Variants in BAZ2B observed in about 807,000 individuals in gnomAD.
BAZ2B encodes bromodomain adjacent to zinc finger domain 2B.
BAZ2B carries 91 observed loss-of-function variants against 246.0 expected under a neutral mutation model. The observed-to-expected ratio is 0.37, with a 90% CI of 0.31 to 0.44. The LOEUF (loss-of-function observed/expected upper bound fraction) is 0.44, where lower values mean the gene tolerates loss of function less well. BAZ2B is among the 20% of genes least tolerant of loss of function. The probability of loss-of-function intolerance (pLI) is 1.00; values close to 1 mark genes in which losing one functional copy is unlikely to be tolerated. For missense variants in BAZ2B, 2,332 were observed against 2,533.7 expected, an observed-to-expected ratio of 0.92 and a Z score of 1.71; for synonymous variants, 855 against 860.0, an observed-to-expected ratio of 0.99 and a Z score of 0.10.
intron 2 of BAZ2B, among the ~76,000 whole-genome samples, chr2:159,500,900 G>A (rs1171031537): frequency 1.3e-5 from 2 of 150,696 alleles, no homozygotes; most frequent in Non-Finnish European, 2.9e-5. Context: ...GTTGCAGTGA[G>A]CTGAGATTGC....
chr2:159,685,093 A>G, the BAZ2B span, among the ~76,000 whole-genome samples: 1 of 152,152 alleles, frequency 6.6e-6, no homozygotes, highest in African/African-American at 2.4e-5. Flanking sequence ...CTGCTTACTG[A>G]TTAGTTTTAT....
chr2:159,668,368 A>G, the BAZ2B span, among the ~76,000 whole-genome samples: 1 of 152,182 alleles, frequency 6.6e-6, no homozygotes, highest in African/African-American at 2.4e-5. Flanking sequence ...AAATGGTGAA[A>G]GAGGTCATTC....
At chr2:159,655,471 T>C in the BAZ2B span, among the ~76,000 whole-genome samples, 1 of 152,222 alleles carries the variant, frequency 6.6e-6, no homozygotes, top group African/African-American at 2.4e-5. Flanking sequence ...TGTCAGCACT[T>C]TCACGATAAT....
intron 1 of BAZ2B, among the ~76,000 whole-genome samples, chr2:159,557,970 A>G (rs1466993221): frequency 6.6e-6 from 1 of 151,972 alleles, no homozygotes; most frequent in African/African-American, 2.4e-5. Context: ...TAGTGAATTA[A>G]AGGTGTATGA....
At chr2:159,674,106 G>A in the BAZ2B span, among the ~76,000 whole-genome samples, 1 of 152,126 alleles carries the variant, frequency 6.6e-6, no homozygotes, top group Non-Finnish European at 1.5e-5. Context: ...CACTTTGCAA[G>A]GCTGAGGTGG....
chr2:159,443,514 A>C (rs2073794936), intron 6 of BAZ2B, among the ~76,000 whole-genome samples: 2 of 151,432 alleles, frequency 1.3e-5, no homozygotes, highest in African/African-American at 4.9e-5. Context: ...TTGAAAACTG[A>C]AGAAATACTG....
chr2:159,519,236 T>TTTTTTTTTTTTTTTTA (rs1553692833), intron 2 of BAZ2B, among the ~76,000 whole-genome samples: 8 of 70,612 alleles, frequency 1.1e-4, no homozygotes, highest in South Asian at 5.2e-4. Flanking sequence ...TTTTTTTTTT[T>TTTTTTTTTTTTTTTTA]TTTTGAGACG....
intron 2 of BAZ2B, among the ~76,000 whole-genome samples, chr2:159,481,431 T>A (rs917691110): frequency 6.6e-6 from 1 of 150,540 alleles, no homozygotes; most frequent in African/African-American, 2.4e-5. Flanking sequence ...AAAAAATATA[T>A]ATATAAATAA....
Position 159,417,451 on chromosome 2 carries a change from G to A in BAZ2B, c.2467-4906C>T, listed in dbSNP as rs548013119. ...CTCCCAAAGTGTTTGGATTACATGCGTGCGCCACCAAGCCTGGACAAGATT... is the reference window on the plus strand; with the variant it reads ...CTCCCAAAGTGTTTGGATTACATGCATGCGCCACCAAGCCTGGACAAGATT... On this transcript the variant is annotated intron_variant, in intron 13 of 36. Coordinates refer to ENST00000392783, the MANE Select transcript of BAZ2B (RefSeq NM_013450.4). Among the ~76,000 whole-genome samples, 3 of 152,190 alleles carry A rather than the reference G, an allele frequency of 2.0e-5. No homozygotes were observed. In the East Asian group the frequency reaches 5.8e-4, roughly 29 times the overall value.
intron 2 of BAZ2B, among the ~76,000 whole-genome samples, chr2:159,488,886 C>G (rs1002640280): frequency 2.1e-4 from 32 of 152,116 alleles, no homozygotes; most frequent in African/African-American, 7.7e-4. Flanking sequence ...TAGTCACAAA[C>G]TCTGGAGCTT....
At chr2:159,354,766 C>G (rs2058921500) in intron 27 of BAZ2B, among the ~76,000 whole-genome samples, 1 of 152,090 alleles carries the variant, frequency 6.6e-6, no homozygotes, top group Non-Finnish European at 1.5e-5. Flanking sequence ...TCTTTCTAGT[C>G]CTTACTTCTT....
At chr2:159,393,375 A>T (rs1288052557) in intron 20 of BAZ2B, among the ~76,000 whole-genome samples, 5 of 152,226 alleles carry the variant, frequency 3.3e-5, no homozygotes, top group African/African-American at 1.2e-4. Context: ...TTCAGCTATT[A>T]GGATTTAAGT....
chr2:159,320,319 G>A lies in BAZ2B; in HGVS notation c.6453C>T (p.His2151=). The A allele has an allele frequency of 6.4e-7, 1 of 1,572,234 alleles. No individual in the cohort carries two copies. Among genetic ancestry groups the A allele is most frequent in the Non-Finnish European group, 8.6e-7 (1 of 1,169,206 alleles). ...TTTTTTCAAAATACTTCCTCATATT[G>A]TGGCCAGCTCTGCCTATATCAGAAT... The part of the protein sequence containing the change: ...EDDSDIGRAG[H]NMRKYFEKKW... The change falls in exon 37 of 37, where the codon CAC becomes CAT. Residue 2151 remains histidine, a synonymous_variant. Transcript: ENST00000392783.
intron 2 of BAZ2B, among the ~76,000 whole-genome samples, chr2:159,505,810 A>G (rs968812937): frequency 1.3e-5 from 2 of 152,254 alleles, no homozygotes; most frequent in East Asian, 3.8e-4. Flanking sequence ...TACAAGTAAC[A>G]GCAGGTATGT....
At chr2:159,544,455 G>A (rs995539364) in intron 2 of BAZ2B, among the ~76,000 whole-genome samples, 1 of 152,192 alleles carries the variant, frequency 6.6e-6, no homozygotes. Context: ...GAGCGGCTAA[G>A]TAGATGTTGA....
chr2:159,330,936 T>A (rs2064640130), intron 34 of BAZ2B, among the ~76,000 whole-genome samples: 1 of 151,766 alleles, frequency 6.6e-6, no homozygotes, highest in Admixed American at 6.6e-5. Flanking sequence ...TTTCTGTAAA[T>A]GGAAGGAAAA....
chr2:159,370,727 A>G (rs1434684275), intron 27 of BAZ2B, among the ~76,000 whole-genome samples: 1 of 151,968 alleles, frequency 6.6e-6, no homozygotes, highest in Non-Finnish European at 1.5e-5. Flanking sequence ...TAGATCCTAT[A>G]CTAAAACTTT....
chr2:159,441,541 G>A (rs1168879166), intron 6 of BAZ2B, among the ~76,000 whole-genome samples: 1 of 152,164 alleles, frequency 6.6e-6, no homozygotes, highest in Non-Finnish European at 1.5e-5. Context: ...AGATGGGTTT[G>A]TATCACCAGT....
chr2:159,361,684 A>G (rs1269217279), intron 27 of BAZ2B, among the ~76,000 whole-genome samples: 2 of 152,254 alleles, frequency 1.3e-5, no homozygotes, highest in Non-Finnish European at 2.9e-5. Flanking sequence ...TGTTCACAAT[A>G]GCAAAGACTT....
Sources: gnomAD v4.1 joint callset for allele counts (sites outside exome capture counted in the v4.1 genomes callset) on GRCh38, gnomAD v4.1.1 for gene constraint, MANE v1.5 for transcripts, NCBI Gene and HGNC (gene_info 2026-07-23, HGNC 2026-07-21) for gene names.